The following FRS2 variants were observed in gnomAD, a reference collection of about 807,000 sequenced individuals.
FRS2 encodes fibroblast growth factor receptor substrate 2.
In FRS2, 8 loss-of-function variants were observed where a neutral mutation model predicts 43.9. The ratio of observed to expected loss-of-function variants is 0.18; its 90% CI spans 0.11 to 0.33. FRS2 has a LOEUF of 0.33. Among genes scored for constraint, FRS2 ranks in the 10% least tolerant of loss-of-function variants. The pLI is 1.00. For missense variants in FRS2, 534 were observed against 627.6 expected, an observed-to-expected ratio of 0.85 and a Z score of 1.59; for synonymous variants, 219 against 220.3, an observed-to-expected ratio of 0.99 and a Z score of 0.05.
intron 1 of FRS2, among the ~76,000 whole-genome samples, chr12:69,500,094 A>G (rs1873301188): frequency 6.6e-6 from 1 of 152,198 alleles, no homozygotes; most frequent in South Asian, 2.1e-4. Flanking sequence ...ATGGAAAACT[A>G]GTATCACTGG....
At chr12:69,517,960 G>A (rs1403014498) in intron 1 of FRS2, among the ~76,000 whole-genome samples, 1 of 151,832 alleles carries the variant, frequency 6.6e-6, no homozygotes, top group African/African-American at 2.4e-5. Flanking sequence ...CTTCTTCTTA[G>A]CATTTTTTTC....
intron 8 of FRS2, 98 bp from the exon 9 acceptor site, chr12:69,573,907 G>A (rs1593078195): frequency 2.7e-6 from 2 of 740,570 alleles, no homozygotes; most frequent in East Asian, 5.1e-5. Context: ...AGTTAATACA[G>A]TTAACTGTTG....
At chr12:69,548,817 A>T (rs1730927148) in intron 3 of FRS2, among the ~76,000 whole-genome samples, 1 of 152,178 alleles carries the variant, frequency 6.6e-6, no homozygotes, top group African/African-American at 2.4e-5. Flanking sequence ...TGGTTACCTG[A>T]ATCAGCAAGA....
chr12:69,498,354 A>T (rs1873098799), intron 1 of FRS2, among the ~76,000 whole-genome samples: 1 of 152,210 alleles, frequency 6.6e-6, no homozygotes, highest in African/African-American at 2.4e-5. Flanking sequence ...GAGACAGAGA[A>T]TTTCAAAGTC....
chr12:69,567,952 A>G (rs1880435499), intron 4 of FRS2, among the ~76,000 whole-genome samples: 1 of 152,216 alleles, frequency 6.6e-6, no homozygotes, highest in African/African-American at 2.4e-5. Flanking sequence ...GAGCCACTGA[A>G]TAATTTTCAA....
chr12:69,526,001 A>G (rs977909168), intron 1 of FRS2, among the ~76,000 whole-genome samples: 1 of 152,112 alleles, frequency 6.6e-6, no homozygotes, highest in African/African-American at 2.4e-5. Flanking sequence ...CTAGGATTAC[A>G]GGCATGCACC....
At chr12:69,522,368 A>G (rs1320211952) in intron 1 of FRS2, among the ~76,000 whole-genome samples, 4 of 151,838 alleles carry the variant, frequency 2.6e-5, no homozygotes, top group South Asian at 2.1e-4. Flanking sequence ...CATTTCTTCT[A>G]GATTTTCTAG....
chr12:69,527,105 A>G (rs1164202520), intron 1 of FRS2, among the ~76,000 whole-genome samples: 1 of 152,126 alleles, frequency 6.6e-6, no homozygotes, highest in Non-Finnish European at 1.5e-5. Flanking sequence ...AAGTGTATGG[A>G]ATAACAATCA....
At chr12:69,544,457 G>A (rs1878189966) in intron 3 of FRS2, among the ~76,000 whole-genome samples, 1 of 152,174 alleles carries the variant, frequency 6.6e-6, no homozygotes, top group Admixed American at 6.5e-5. Flanking sequence ...TGTAATTTTA[G>A]CACTTTGAGG....
chr12:69,523,634 T>C (rs1443734824), intron 1 of FRS2, among the ~76,000 whole-genome samples: 1 of 152,220 alleles, frequency 6.6e-6, no homozygotes, highest in Non-Finnish European at 1.5e-5. Context: ...TAACTTGTTA[T>C]GCTGACTTTT....
chr12:69,515,188 CT>C (rs2135587280), intron 1 of FRS2, among the ~76,000 whole-genome samples: 1 of 152,320 alleles, frequency 6.6e-6, no homozygotes, highest in South Asian at 2.1e-4. Flanking sequence ...ATTAAACTGA[CT>C]TTTAATGTCT....
chr12:69,576,878 G>C lies in FRS2; in HGVS notation c.*1923G>C, dbSNP rs1163190231. The C allele has an allele frequency of 6.6e-6, 1 of 152,612 alleles. No homozygotes were observed. Among genetic ancestry groups the C allele is most frequent in the Admixed American group, 6.5e-5 (1 of 15,280 alleles). 9.5% of individuals were successfully genotyped at this position (152,612 alleles called of 1,614,324 possible). On this transcript the variant is annotated 3_prime_UTR_variant, in exon 9 of 9. Coordinates refer to ENST00000549921, the MANE Select transcript of FRS2 (RefSeq NM_001278356.2). ...AAGAGAGCAGTGGTATAGGTGTGCA[G>C]TTTCCATGATGCAGGTTCCATTTTT...
chr12:69,564,216 A>G (rs1260848694), intron 4 of FRS2, among the ~76,000 whole-genome samples: 1 of 144,640 alleles, frequency 6.9e-6, no homozygotes, highest in African/African-American at 2.5e-5. Flanking sequence ...CTTGATGCTT[A>G]CTTTTCTTAG....
chr12:69,552,229 G>A lies in FRS2; in HGVS notation c.-121-9951G>A, dbSNP rs374901119. On this transcript the variant is annotated intron_variant, in intron 3 of 8. Coordinates refer to ENST00000549921, the MANE Select transcript of FRS2 (RefSeq NM_001278356.2). ...AGGCAGGAGAATTGCTTGAACCTGGGAGGCGGAGGTTGCAGTGAGCCAAGA... is the reference window on the plus strand; with the variant it reads ...AGGCAGGAGAATTGCTTGAACCTGGAAGGCGGAGGTTGCAGTGAGCCAAGA... Among the ~76,000 whole-genome samples the A allele has an allele frequency of 3.5e-3, 515 of 149,190 alleles. 3 individuals carry two copies. Among genetic ancestry groups the A allele is most frequent in the African/African-American group, 0.012 (495 of 40,490 alleles).
intron 1 of FRS2, among the ~76,000 whole-genome samples, chr12:69,496,501 C>G (rs925136428): frequency 4.0e-4 from 61 of 152,020 alleles, no homozygotes; most frequent in African/African-American, 1.4e-3. Context: ...AGCCTGTGAA[C>G]GATAAAATAG....
At chr12:69,482,873 A>G (rs1383894586) in intron 1 of FRS2, among the ~76,000 whole-genome samples, 1 of 152,208 alleles carries the variant, frequency 6.6e-6, no homozygotes, top group Non-Finnish European at 1.5e-5. Context: ...AATTACATTC[A>G]ATCTAGACTG....
intron 3 of FRS2, among the ~76,000 whole-genome samples, chr12:69,554,121 G>A (rs1367975213): frequency 6.6e-6 from 1 of 152,154 alleles, no homozygotes; most frequent in East Asian, 1.9e-4. Context: ...CTGCCCAAAC[G>A]TGTTTTGTAT....
chr12:69,510,845 A>G (rs1328569594), intron 1 of FRS2, among the ~76,000 whole-genome samples: 2 of 152,190 alleles, frequency 1.3e-5, no homozygotes, highest in Non-Finnish European at 2.9e-5. Flanking sequence ...TACCTGCTAT[A>G]ATAACATTAG....
chr12:69,477,366 C>T lies in FRS2; in HGVS notation c.-261+6836C>T, dbSNP rs12303226. On this transcript the variant is annotated intron_variant, in intron 1 of 8. Transcript: ENST00000549921. ...CGCGATCTCAGCTCACTGCAAGCTC[C>T]GCCTCTCCTGGGTTCACGCCATTCT... 2.4e-3 allele frequency among the ~76,000 whole-genome samples: 369 copies of T among 151,014 alleles called. 2 individuals are homozygous for T. Among genetic ancestry groups the T allele is most frequent in the African/African-American group, 8.4e-3 (344 of 41,076 alleles).
Sources: gnomAD v4.1 joint callset for allele counts (sites outside exome capture counted in the v4.1 genomes callset) on GRCh38, gnomAD v4.1.1 for gene constraint, MANE v1.5 for transcripts, NCBI Gene and HGNC (gene_info 2026-07-23, HGNC 2026-07-21) for gene names.